Variants in GALNT13 observed in about 807,000 individuals in gnomAD.
The protein encoded by GALNT13 is polypeptide N-acetylgalactosaminyltransferase 13.
Under a neutral mutation model 64.2 loss-of-function variants are expected in GALNT13, and 28 were observed. The ratio of observed to expected loss-of-function variants is 0.44; its 90% CI spans 0.32 to 0.60. The LOEUF (loss-of-function observed/expected upper bound fraction) is 0.60. Ranked by LOEUF, GALNT13 falls within the 20% of genes least tolerant of loss-of-function variation. GALNT13 has a pLI of 0.05. For missense variants in GALNT13, 577 were observed against 669.8 expected (o/e 0.86, Z 1.53); for synonymous variants, 214 against 224.6 (o/e 0.95, Z 0.42).
chr2:153,730,641 C>T, the GALNT13 span, among the ~76,000 whole-genome samples: 1 of 151,612 alleles, frequency 6.6e-6, no homozygotes, highest in Non-Finnish European at 1.5e-5. Context: ...TATTTGTAAA[C>T]TATGCATTTG....
At chr2:153,441,213 C>G in the GALNT13 span, among the ~76,000 whole-genome samples, 3 of 152,208 alleles carry the variant, frequency 2.0e-5, no homozygotes, top group Admixed American at 1.3e-4. Flanking sequence ...AAATCCTCTC[C>G]TCATTGCTTG....
chr2:154,175,798 G>A (rs1559005960), intron 4 of GALNT13, among the ~76,000 whole-genome samples: 1 of 152,036 alleles, frequency 6.6e-6, no homozygotes, highest in Non-Finnish European at 1.5e-5. Context: ...ATAGTAACAA[G>A]CATACATGAT....
At chr2:154,232,264 C>T (rs896876409) in intron 4 of GALNT13, among the ~76,000 whole-genome samples, 3 of 152,080 alleles carry the variant, frequency 2.0e-5, no homozygotes, top group African/African-American at 7.2e-5. Context: ...TATGTAGTAG[C>T]ACATTTACAG....
At chr2:153,192,740 A>G in the GALNT13 span, among the ~76,000 whole-genome samples, 1 of 152,046 alleles carries the variant, frequency 6.6e-6, no homozygotes, top group African/African-American at 2.4e-5. Context: ...CTTTGTCATT[A>G]TGTTATGACC....
At chr2:153,693,214 G>A in the GALNT13 span, among the ~76,000 whole-genome samples, 1 of 152,294 alleles carries the variant, frequency 6.6e-6, no homozygotes, top group East Asian at 1.9e-4. Flanking sequence ...GCAGTTAGGA[G>A]TGCTGTCTAT....
At chr2:153,208,971 G>GTTTT in the GALNT13 span, among the ~76,000 whole-genome samples, 3 of 42,932 alleles carry the variant, frequency 7.0e-5, no homozygotes, top group African/African-American at 1.9e-4. Context: ...TTTGGTTTTG[G>GTTTT]TCTTTTTTTT....
the GALNT13 span, among the ~76,000 whole-genome samples, chr2:153,384,698 C>G: frequency 6.6e-6 from 1 of 152,078 alleles, no homozygotes; most frequent in Non-Finnish European, 1.5e-5. Context: ...CTATGTGCAT[C>G]CAGTCTAGTT....
the GALNT13 span, among the ~76,000 whole-genome samples, chr2:153,862,889 A>T: frequency 6.6e-6 from 1 of 152,120 alleles, no homozygotes; most frequent in African/African-American, 2.4e-5. Flanking sequence ...AATAAAGAAT[A>T]TCCCTTTATT....
At chr2:154,335,750 G>A (rs923824893) in intron 9 of GALNT13, among the ~76,000 whole-genome samples, 3 of 151,904 alleles carry the variant, frequency 2.0e-5, no homozygotes, top group Non-Finnish European at 4.4e-5. Flanking sequence ...AGGATTCTCG[G>A]TTATGTAAAT....
intron 9 of GALNT13, among the ~76,000 whole-genome samples, chr2:154,386,156 A>C (rs1353819511): frequency 6.6e-6 from 1 of 151,996 alleles, no homozygotes; most frequent in Non-Finnish European, 1.5e-5. Flanking sequence ...CACCAAGACG[A>C]TGAGTATTGC....
chr2:153,259,417 A>G, the GALNT13 span, among the ~76,000 whole-genome samples: 4 of 150,594 alleles, frequency 2.7e-5, no homozygotes, highest in Non-Finnish European at 5.9e-5. Context: ...AGTTTGGTCA[A>G]TTTTCATTCA....
At chr2:153,256,452 C>G in the GALNT13 span, among the ~76,000 whole-genome samples, 1 of 152,146 alleles carries the variant, frequency 6.6e-6, no homozygotes, top group Non-Finnish European at 1.5e-5. Context: ...CATCTGAAGC[C>G]TTCTTCTCTC....
chr2:153,858,689 G>C, the GALNT13 span, among the ~76,000 whole-genome samples: 1 of 152,020 alleles, frequency 6.6e-6, no homozygotes, highest in Non-Finnish European at 1.5e-5. Flanking sequence ...TGGTATGCCT[G>C]TATAGAAAAA....
At chr2:154,389,562 A>T (rs1698680971) in intron 9 of GALNT13, among the ~76,000 whole-genome samples, 1 of 152,210 alleles carries the variant, frequency 6.6e-6, no homozygotes, top group African/African-American at 2.4e-5. Flanking sequence ...CTTTGATTTT[A>T]GAGAGACAGA....
intron 6 of GALNT13, among the ~76,000 whole-genome samples, chr2:154,244,440 G>A (rs894151274): frequency 5.3e-5 from 8 of 152,144 alleles, no homozygotes; most frequent in Admixed American, 6.5e-5. Flanking sequence ...TGAGGCTCTG[G>A]TCAGTTGTGT....
chr2:153,817,068 G>A, the GALNT13 span, among the ~76,000 whole-genome samples: 1 of 152,186 alleles, frequency 6.6e-6, no homozygotes, highest in South Asian at 2.1e-4. Flanking sequence ...TTGGCAGAAA[G>A]AGCAACAGTG....
At chr2:154,182,635 T>C (rs1686024718) in intron 4 of GALNT13, among the ~76,000 whole-genome samples, 1 of 148,516 alleles carries the variant, frequency 6.7e-6, no homozygotes, top group South Asian at 2.1e-4. Flanking sequence ...ATTTATTATA[T>C]GGTATATAAT....
At chr2:154,221,741 A>C (rs1038947405) in intron 4 of GALNT13, among the ~76,000 whole-genome samples, 16 of 152,232 alleles carry the variant, frequency 1.1e-4, no homozygotes, top group Middle Eastern at 3.4e-3. Flanking sequence ...TGACATGGAA[A>C]TTCTCTTTTA....
At chr2:153,867,455 C>T (rs114890245), upstream of GALNT13, among the ~76,000 whole-genome samples, 21 of 152,128 alleles carry the variant, frequency 1.4e-4, no homozygotes, top group African/African-American at 3.4e-4. Context: ...TATCACCTGA[C>T]GTAAATACAC....
Sources: gnomAD v4.1 joint callset for allele counts (sites outside exome capture counted in the v4.1 genomes callset) on GRCh38, gnomAD v4.1.1 for gene constraint, MANE v1.5 for transcripts, NCBI Gene and HGNC (gene_info 2026-07-23, HGNC 2026-07-21) for gene names.